Variants in PPARGC1A observed in about 807,000 individuals in gnomAD.
The protein encoded by PPARGC1A is peroxisome proliferator-activated receptor gamma coactivator 1-alpha.
Under a neutral mutation model 88.7 loss-of-function variants are expected in PPARGC1A, and 25 were observed. That is an observed-to-expected ratio of 0.28 (90% CI 0.21 to 0.39). PPARGC1A has a LOEUF of 0.39. Among genes scored for constraint, PPARGC1A ranks in the 10% least tolerant of loss-of-function variants. PPARGC1A has a pLI of 1.00. For missense variants in PPARGC1A, 880 were observed against 968.7 expected (o/e 0.91, Z 1.22); for synonymous variants, 363 against 355.6 (o/e 1.02, Z -0.24).
chr4:23,964,507 T>C, the PPARGC1A span, among the ~76,000 whole-genome samples: 1 of 152,176 alleles, frequency 6.6e-6, no homozygotes. Flanking sequence ...AAGAGAAGCA[T>C]GCTTAAGACC....
chr4:24,066,499 C>T, the PPARGC1A span, among the ~76,000 whole-genome samples: 7 of 152,146 alleles, frequency 4.6e-5, no homozygotes, highest in African/African-American at 1.7e-4. Context: ...AGCCCTCTGT[C>T]CATCTCTGAA....
chr4:23,946,941 A>G, the PPARGC1A span, among the ~76,000 whole-genome samples: 1 of 152,038 alleles, frequency 6.6e-6, no homozygotes, highest in African/African-American at 2.4e-5. Flanking sequence ...AGAACAATCA[A>G]ACTGAACCCA....
chr4:24,284,245 G>A, the PPARGC1A span, among the ~76,000 whole-genome samples: 8 of 152,014 alleles, frequency 5.3e-5, no homozygotes, highest in Non-Finnish European at 1.0e-4. Flanking sequence ...GGAGGCAGAG[G>A]TTGCAATGAA....
chr4:24,091,259 A>G, the PPARGC1A span, among the ~76,000 whole-genome samples: 6 of 152,234 alleles, frequency 3.9e-5, no homozygotes, highest in African/African-American at 1.2e-4. Context: ...GTAAAGCCCT[A>G]TTAGCTTGCT....
the PPARGC1A span, among the ~76,000 whole-genome samples, chr4:24,213,011 T>C: frequency 3.9e-5 from 6 of 152,150 alleles, no homozygotes; most frequent in African/African-American, 1.4e-4. Context: ...ATCAGCCTTG[T>C]TGGTGGACAC....
chr4:24,357,827 G>A, the PPARGC1A span, among the ~76,000 whole-genome samples: 1 of 152,160 alleles, frequency 6.6e-6, no homozygotes, highest in Admixed American at 6.5e-5. Context: ...CGCCACATAA[G>A]ACATGTCTTT....
At chr4:24,204,359 C>G in the PPARGC1A span, among the ~76,000 whole-genome samples, 1 of 152,072 alleles carries the variant, frequency 6.6e-6, no homozygotes, top group Non-Finnish European at 1.5e-5. Flanking sequence ...GGCAAAAAAC[C>G]TTTGTATTCG....
the PPARGC1A span, among the ~76,000 whole-genome samples, chr4:24,145,660 G>C: frequency 6.6e-6 from 1 of 152,120 alleles, no homozygotes; most frequent in East Asian, 1.9e-4. Context: ...TTCTAGGTTG[G>C]ACAGAAAAAC....
At chr4:23,923,755 A>T in the PPARGC1A span, among the ~76,000 whole-genome samples, 1 of 152,224 alleles carries the variant, frequency 6.6e-6, no homozygotes, top group East Asian at 1.9e-4. Context: ...GGGCAAACTC[A>T]TTCTTTTTCT....
At chr4:24,025,349 A>G in the PPARGC1A span, among the ~76,000 whole-genome samples, 1 of 152,162 alleles carries the variant, frequency 6.6e-6, no homozygotes, top group Non-Finnish European at 1.5e-5. Flanking sequence ...AATACACACC[A>G]TCATCTTTAT....
chr4:24,203,982 G>A, the PPARGC1A span, among the ~76,000 whole-genome samples: 3 of 152,314 alleles, frequency 2.0e-5, no homozygotes, highest in South Asian at 4.2e-4. Context: ...GCTTATTATA[G>A]ATATTGAACT....
chr4:24,376,848 G>A, the PPARGC1A span, among the ~76,000 whole-genome samples: 3 of 152,234 alleles, frequency 2.0e-5, no homozygotes, highest in South Asian at 6.2e-4. Flanking sequence ...GTGAGGTTAA[G>A]GATACCCCTT....
At chr4:24,318,085 G>C in the PPARGC1A span, among the ~76,000 whole-genome samples, 2 of 152,110 alleles carry the variant, frequency 1.3e-5, no homozygotes, top group Non-Finnish European at 2.9e-5. Context: ...AAAATAATGG[G>C]GCCGCTCAAA....
chr4:24,461,671 G>A, the PPARGC1A span, among the ~76,000 whole-genome samples: 1 of 152,076 alleles, frequency 6.6e-6, no homozygotes, highest in African/African-American at 2.4e-5. Flanking sequence ...CTCTTAGGGG[G>A]TAGGGCAAGC....
chr4:23,829,267 C>T (rs1463999984), intron 4 of PPARGC1A, among the ~76,000 whole-genome samples, 196 bp downstream of exon 4: 2 of 152,188 alleles, frequency 1.3e-5, no homozygotes, highest in Non-Finnish European at 2.9e-5. Context: ...CACCCAAAGA[C>T]GATGCGTAAA....
the PPARGC1A span, among the ~76,000 whole-genome samples, chr4:24,006,205 T>C: frequency 1.8e-4 from 28 of 152,126 alleles, no homozygotes; most frequent in Non-Finnish European, 3.8e-4. Context: ...TGCACCACCA[T>C]GCCTGGCTAA....
At chr4:24,138,353 A>C in the PPARGC1A span, among the ~76,000 whole-genome samples, 3 of 152,308 alleles carry the variant, frequency 2.0e-5, no homozygotes, top group Admixed American at 1.3e-4. Flanking sequence ...GGCAGTTTTA[A>C]GAGCCAGAAC....
chr4:24,312,174 C>T, the PPARGC1A span, among the ~76,000 whole-genome samples: 1 of 152,138 alleles, frequency 6.6e-6, no homozygotes, highest in Non-Finnish European at 1.5e-5. Context: ...AATGACATCC[C>T]CACCAATGAA....
chr4:24,306,413 A>C, the PPARGC1A span, among the ~76,000 whole-genome samples: 1 of 152,330 alleles, frequency 6.6e-6, no homozygotes, highest in South Asian at 2.1e-4. Flanking sequence ...ACAGCAATCA[A>C]GACAGAAGCA....
Sources: gnomAD v4.1 joint callset for allele counts (sites outside exome capture counted in the v4.1 genomes callset) on GRCh38, gnomAD v4.1.1 for gene constraint, MANE v1.5 for transcripts, NCBI Gene and HGNC (gene_info 2026-07-23, HGNC 2026-07-21) for gene names.